Variants in RSRC1 observed in about 807,000 individuals in gnomAD.
RSRC1 encodes arginine and serine rich coiled-coil 1, also known as serine/Arginine-related protein 53.
RSRC1 carries 39 observed loss-of-function variants against 49.1 expected under a neutral mutation model. The observed-to-expected ratio is 0.79, with a 90% CI of 0.61 to 1.04. The LOEUF (loss-of-function observed/expected upper bound fraction) is 1.04, where lower values mean the gene tolerates loss of function less well. RSRC1 is among the 50% of genes least tolerant of loss of function. RSRC1 has a pLI of 0.00. For synonymous variants in RSRC1, 143 were observed against 130.8 expected, an observed-to-expected ratio of 1.09 and a Z score of -0.63; for missense variants, 388 against 402.4, an observed-to-expected ratio of 0.96 and a Z score of 0.31.
intron 6 of RSRC1, among the ~76,000 whole-genome samples, chr3:158,408,962 G>A (rs1250879221): frequency 1.3e-5 from 2 of 152,082 alleles, no homozygotes; most frequent in African/African-American, 4.8e-5. Context: ...GAACCCAGGA[G>A]GCAGAGGTTG....
intron 6 of RSRC1, among the ~76,000 whole-genome samples, chr3:158,378,419 A>ATT (rs372774218): frequency 6.6e-6 from 1 of 152,154 alleles, no homozygotes; most frequent in African/African-American, 2.4e-5. Context: ...TGATTATTTG[A>ATT]TTGTATCTTA....
intron 4 of RSRC1, among the ~76,000 whole-genome samples, chr3:158,244,823 G>A (rs930761177): frequency 3.9e-5 from 6 of 152,004 alleles, no homozygotes; most frequent in Non-Finnish European, 5.9e-5. Context: ...GGTCTGTTCA[G>A]AGATTCAAAC....
At chr3:158,235,439 G>A (rs1723187937) in intron 4 of RSRC1, among the ~76,000 whole-genome samples, 1 of 152,086 alleles carries the variant, frequency 6.6e-6, no homozygotes, top group Non-Finnish European at 1.5e-5. Context: ...ATAGTTATAT[G>A]TGTTACTAGG....
intron 6 of RSRC1, among the ~76,000 whole-genome samples, chr3:158,393,037 A>T (rs1036870229): frequency 1.3e-5 from 2 of 152,096 alleles, no homozygotes; most frequent in Non-Finnish European, 2.9e-5. Flanking sequence ...AAACCATATA[A>T]TTACATGGAA....
intron 7 of RSRC1, among the ~76,000 whole-genome samples, chr3:158,513,987 C>A (rs570445427): frequency 2.4e-3 from 360 of 152,026 alleles, no homozygotes; most frequent in African/African-American, 8.4e-3. Context: ...TTTTTTATTG[C>A]GTCTATTTGA....
intron 5 of RSRC1, among the ~76,000 whole-genome samples, chr3:158,312,140 C>A (rs946784330): frequency 6.8e-6 from 1 of 147,362 alleles, no homozygotes; most frequent in African/African-American, 2.7e-5. Context: ...CAGAGAGCAC[C>A]TATTATACTC....
intron 4 of RSRC1, among the ~76,000 whole-genome samples, chr3:158,283,125 C>G (rs986427727): frequency 2.6e-5 from 4 of 151,630 alleles, no homozygotes; most frequent in African/African-American, 9.7e-5. Context: ...TATTAAATTA[C>G]GTAGATGGTA....
At chr3:158,283,988 C>T (rs1726341924) in intron 4 of RSRC1, among the ~76,000 whole-genome samples, 1 of 151,592 alleles carries the variant, frequency 6.6e-6, no homozygotes. Context: ...TGTGCTGCAC[C>T]CATTAACTCC....
At position 158,521,960 on chromosome 3, in the gene RSRC1, T is replaced by C. The variant is rs1230198080; in HGVS notation, c.653-15132T>C. ...GGACTAGAATGATTTGCTTTATTGA[T>C]ATGATAATGTATTAGAATTACATTA... is the stretch of plus-strand genomic sequence containing the variant. On this transcript the variant is annotated intron_variant, in intron 7 of 9. Coordinates refer to ENST00000611884, the MANE Select transcript of RSRC1 (RefSeq NM_001271838.2). 2.0e-5 allele frequency among the ~76,000 whole-genome samples: 3 copies of C among 152,116 alleles called. No homozygotes were observed. In the South Asian group the frequency reaches 6.2e-4, roughly 31 times the overall value.
intron 4 of RSRC1, among the ~76,000 whole-genome samples, chr3:158,253,391 T>G (rs993711924): frequency 3.3e-5 from 5 of 152,260 alleles, no homozygotes; most frequent in Non-Finnish European, 7.4e-5. Context: ...AAAATTCCTC[T>G]TCTTTTTGAT....
chr3:158,129,271 G>A (rs1406369565), intron 3 of RSRC1, among the ~76,000 whole-genome samples: 2 of 145,424 alleles, frequency 1.4e-5, no homozygotes, highest in Admixed American at 1.4e-4. Flanking sequence ...CGGAGATCTA[G>A]GAACATTTCT....
At chr3:158,354,754 T>C in intron 5 of RSRC1, 103 bp from the exon 6 acceptor site, 1 of 813,640 alleles carries the variant, frequency 1.2e-6, no homozygotes, top group Non-Finnish European at 1.9e-6. Context: ...GCTCTTTAAA[T>C]TTCCTAATAT....
chr3:158,212,765 C>G (rs923259820), intron 4 of RSRC1, among the ~76,000 whole-genome samples: 2 of 151,918 alleles, frequency 1.3e-5, no homozygotes, highest in Non-Finnish European at 1.5e-5. Flanking sequence ...CCAGTCAAGT[C>G]TTTTCTTCCT....
At chr3:158,436,797 G>C (rs1560042158) in intron 6 of RSRC1, among the ~76,000 whole-genome samples, 1 of 151,790 alleles carries the variant, frequency 6.6e-6, no homozygotes, top group African/African-American at 2.4e-5. Flanking sequence ...TAATACTATT[G>C]TGAGTGGTTG....
At chr3:158,489,600 TA>T (rs1427638626) in intron 7 of RSRC1, among the ~76,000 whole-genome samples, 1 of 152,058 alleles carries the variant, frequency 6.6e-6, no homozygotes, top group Non-Finnish European at 1.5e-5. Context: ...AACAAACCAG[TA>T]AAAAACATGG....
chr3:158,132,445 A>G (rs1716095650), intron 3 of RSRC1, among the ~76,000 whole-genome samples: 1 of 152,078 alleles, frequency 6.6e-6, no homozygotes, highest in Admixed American at 6.6e-5. Context: ...GTCTGATGAT[A>G]TTTTTCTGGT....
chr3:158,168,340 G>A (rs1718659979), intron 3 of RSRC1, among the ~76,000 whole-genome samples: 1 of 152,154 alleles, frequency 6.6e-6, no homozygotes, highest in Admixed American at 6.5e-5. Flanking sequence ...TGAACCTCCA[G>A]TTGATCTAGA....
At chr3:158,141,682 A>C (rs1716755739) in intron 3 of RSRC1, among the ~76,000 whole-genome samples, 1 of 152,192 alleles carries the variant, frequency 6.6e-6, no homozygotes, top group Non-Finnish European at 1.5e-5. Flanking sequence ...GAGAAATACC[A>C]TTGGTAGCTA....
rs1729600827 is a variant in RSRC1, at chr3:158,332,420, T to C, written c.532-22437T>C. Among the ~76,000 whole-genome samples, 7 of 122,496 alleles carry C rather than the reference T, an allele frequency of 5.7e-5. No individual in the cohort carries two copies. In the Admixed American group the frequency reaches 5.9e-4, roughly 10 times the overall value. The allele number at this position is 122,496 out of a possible 152,430, so 80.4% of individuals were successfully genotyped here. On this transcript the variant is annotated intron_variant, in intron 5 of 9. Transcript: ENST00000611884. ...AAAAAACTGGTATGTTTATTCATTATAAGTTTCACCTCTTAAAATAAATCC... is the reference window on the plus strand; with the variant it reads ...AAAAAACTGGTATGTTTATTCATTACAAGTTTCACCTCTTAAAATAAATCC...
Sources: gnomAD v4.1 joint callset for allele counts (sites outside exome capture counted in the v4.1 genomes callset) on GRCh38, gnomAD v4.1.1 for gene constraint, MANE v1.5 for transcripts, NCBI Gene and HGNC (gene_info 2026-07-23, HGNC 2026-07-21) for gene names.